The following SHISA6 variants were observed in gnomAD, a reference collection of about 807,000 sequenced individuals.
The protein encoded by SHISA6 is shisa family member 6.
A neutral mutation model predicts 47.9 loss-of-function variants in SHISA6; 22 were observed. The ratio of observed to expected loss-of-function variants is 0.46; its 90% CI spans 0.33 to 0.66. The LOEUF is 0.66. SHISA6 is among the 30% of genes least tolerant of loss of function. The pLI, the probability that SHISA6 is intolerant of heterozygous loss-of-function variation, is 0.02. For missense variants in SHISA6, 680 were observed against 764.6 expected (o/e 0.89, Z 1.30); for synonymous variants, 388 against 337.8 (o/e 1.15, Z -1.63).
intron 2 of SHISA6, among the ~76,000 whole-genome samples, chr17:11,295,963 CAAAA>C (rs3034195): frequency 1.1e-3 from 101 of 91,360 alleles, no homozygotes; most frequent in Middle Eastern, 6.0e-3. Flanking sequence ...GACTCCATCT[CAAAA>C]AAAAAAAAAA....
At chr17:11,292,451 T>TA (rs1220598306) in intron 2 of SHISA6, among the ~76,000 whole-genome samples, 13 of 152,046 alleles carry the variant, frequency 8.6e-5, no homozygotes. Flanking sequence ...GAATATAAAG[T>TA]AAAATAATAA....
intron 2 of SHISA6, among the ~76,000 whole-genome samples, chr17:11,320,757 T>G (rs1001745218): frequency 6.6e-6 from 1 of 152,136 alleles, no homozygotes; most frequent in African/African-American, 2.4e-5. Context: ...GGGACATCTG[T>G]GAGAAGCACT....
chr17:11,481,354 G>GTATATATA (rs1362266634), intron 3 of SHISA6, among the ~76,000 whole-genome samples: 19 of 114,122 alleles, frequency 1.7e-4, no homozygotes, highest in African/African-American at 7.0e-4. Context: ...GTGTGTGTGT[G>GTATATATA]TGTGTGTGTG....
intron 3 of SHISA6, among the ~76,000 whole-genome samples, chr17:11,412,539 C>T (rs1914149657): frequency 7.4e-6 from 1 of 135,036 alleles, no homozygotes; most frequent in Admixed American, 7.2e-5. Flanking sequence ...AACACTTAGA[C>T]TTCTTCTTTT....
chr17:11,456,041 G>C (rs1915525454), intron 3 of SHISA6, among the ~76,000 whole-genome samples: 1 of 152,126 alleles, frequency 6.6e-6, no homozygotes, highest in South Asian at 2.1e-4. Flanking sequence ...AATTGTCATG[G>C]TTAGAAAGGC....
chr17:11,346,540 A>G (rs1911705084), intron 2 of SHISA6, among the ~76,000 whole-genome samples: 1 of 152,230 alleles, frequency 6.6e-6, no homozygotes, highest in Non-Finnish European at 1.5e-5. Context: ...TGAGAAAATT[A>G]TAAATTCTAA....
chr17:11,433,246 C>T (rs34868592), intron 3 of SHISA6, among the ~76,000 whole-genome samples: 7 of 152,192 alleles, frequency 4.6e-5, no homozygotes, highest in South Asian at 2.1e-4. Flanking sequence ...CCCCACCCAC[C>T]GACAGGCCCC....
At chr17:11,541,915 G>A (rs2071837163) in intron 3 of SHISA6, among the ~76,000 whole-genome samples, 1 of 152,046 alleles carries the variant, frequency 6.6e-6, no homozygotes. Flanking sequence ...TAAGAAGGTT[G>A]GCAAATCCTT....
intron 2 of SHISA6, among the ~76,000 whole-genome samples, chr17:11,291,605 G>T (rs1342035779): frequency 1.3e-5 from 2 of 152,088 alleles, no homozygotes; most frequent in Non-Finnish European, 2.9e-5. Flanking sequence ...CTACACTCCG[G>T]CCTGGGCGAC....
chr17:11,326,815 A>T (rs1006816229), intron 2 of SHISA6, among the ~76,000 whole-genome samples: 2 of 152,238 alleles, frequency 1.3e-5, no homozygotes, highest in African/African-American at 4.8e-5. Context: ...CCTGGGTCAC[A>T]CTTTCCTTTC....
At chr17:11,364,738 T>C (rs936477913) in intron 2 of SHISA6, among the ~76,000 whole-genome samples, 4 of 152,220 alleles carry the variant, frequency 2.6e-5, no homozygotes, top group Admixed American at 1.3e-4. Context: ...TGCTGGAATA[T>C]AGAATGGAAA....
At chr17:11,305,074 C>T (rs1443084864) in intron 2 of SHISA6, among the ~76,000 whole-genome samples, 1 of 152,200 alleles carries the variant, frequency 6.6e-6, no homozygotes, top group Non-Finnish European at 1.5e-5. Flanking sequence ...CTTCTTCATG[C>T]GTCACATCTC....
intron 2 of SHISA6, among the ~76,000 whole-genome samples, chr17:11,376,301 G>A (rs1912797269): frequency 6.8e-6 from 1 of 146,344 alleles, no homozygotes; most frequent in Non-Finnish European, 1.5e-5. Context: ...CTGCCTGCAT[G>A]GGGCTTCATG....
At chr17:11,401,060 C>T (rs1242143424) in intron 3 of SHISA6, among the ~76,000 whole-genome samples, 2 of 152,186 alleles carry the variant, frequency 1.3e-5, no homozygotes, top group Non-Finnish European at 1.5e-5. Flanking sequence ...GGATTGTTGG[C>T]TCTCTGACTA....
chr17:11,256,155 G>A (rs905170678), intron 1 of SHISA6, among the ~76,000 whole-genome samples: 4 of 152,292 alleles, frequency 2.6e-5, no homozygotes, highest in Non-Finnish European at 5.9e-5. Flanking sequence ...TGCTGCCTAC[G>A]TGTTGCCTCA....
chr17:11,260,685 T>C (rs141334447), intron 1 of SHISA6, among the ~76,000 whole-genome samples: 1 of 151,948 alleles, frequency 6.6e-6, no homozygotes, highest in Non-Finnish European at 1.5e-5. Context: ...TCACTAACTC[T>C]CTTCTCTGAA....
chr17:11,494,076 G>A (rs1221321814), intron 3 of SHISA6, among the ~76,000 whole-genome samples: 1 of 152,168 alleles, frequency 6.6e-6, no homozygotes, highest in East Asian at 1.9e-4. Context: ...ATTTGAGACT[G>A]TGGCTTAGCA....
chr17:11,505,239 G>A (rs2142350341), intron 3 of SHISA6, among the ~76,000 whole-genome samples: 1 of 152,298 alleles, frequency 6.6e-6, no homozygotes, highest in South Asian at 2.1e-4. Context: ...GTAGGAGGTG[G>A]AAGTATGGCT....
At chr17:11,388,959 G>A (rs1369390466) in intron 3 of SHISA6, among the ~76,000 whole-genome samples, 5 of 151,636 alleles carry the variant, frequency 3.3e-5, no homozygotes, top group African/African-American at 1.2e-4. Context: ...TCCCATATGG[G>A]TTCTGTTGAC....
Sources: allele counts gnomAD v4.1 joint callset (sites outside exome capture counted in the v4.1 genomes callset), GRCh38; gene constraint gnomAD v4.1.1; transcripts MANE v1.5; gene names NCBI Gene and HGNC (gene_info 2026-07-23, HGNC 2026-07-21).